SLC34A3: variants seen among roughly 807,000 people sequenced by gnomAD.
The protein encoded by SLC34A3 is sodium-dependent phosphate transport protein 2C.
Under a neutral mutation model 43.9 loss-of-function variants are expected in SLC34A3, and 60 were observed. The ratio of observed to expected loss-of-function variants is 1.37; its 90% CI spans 1.11 to 1.70. SLC34A3 has a LOEUF of 1.70. Among genes scored for constraint, SLC34A3 ranks in the 40% most tolerant of loss-of-function variants. The pLI, the probability that SLC34A3 is intolerant of heterozygous loss-of-function variation, is 0.00. For synonymous variants in SLC34A3, 451 were observed against 386.2 expected (o/e 1.17, Z -1.97); for missense variants, 969 against 823.8 (o/e 1.18, Z -2.16).
In SLC34A3 at chr9:137,233,053, C is replaced by G; in HGVS notation, c.498C>G (p.Gly166=). 6.2e-7 allele frequency: 1 copy of G among 1,611,876 alleles called. No individual in the cohort carries two copies. The highest frequency in any genetic ancestry group is 8.5e-7 in the Non-Finnish European group (1 of 1,179,876). The change falls in exon 6 of 13, where the codon GGC becomes GGG. Residue 166 remains glycine, a synonymous_variant. Transcript: ENST00000673835. ...CCATCATCATGGGTGTCAACGTAGGCACATCCATCACCAGCACCCTGGTCT... is the reference window on the plus strand; with the variant it reads ...CCATCATCATGGGTGTCAACGTAGGGACATCCATCACCAGCACCCTGGTCT... ...SVPIIMGVNV[G]TSITSTLVSM...
chr9:137,234,035 G>T lies in SLC34A3; in HGVS notation c.926-74G>T. Reference sequence around the variant, plus strand: ...GGAACAGCACAGCCCCGGCGGACAGGCTGCCCTGTGAGGCCCGGCCCACCC... The same window carrying T: ...GGAACAGCACAGCCCCGGCGGACAGTCTGCCCTGTGAGGCCCGGCCCACCC... On this transcript the variant is annotated intron_variant, in intron 9 of 12. Transcript: ENST00000673835. This position sits in a 1 kb window ranked among gnomAD's most constrained non-coding sequence, Gnocchi z 6.9. 2 of 1,509,902 alleles carry T rather than the reference G, an allele frequency of 1.3e-6. No individual in the cohort carries two copies. The highest frequency in any genetic ancestry group is 1.8e-6 in the Non-Finnish European group (2 of 1,126,030). 93.5% of individuals were successfully genotyped at this position (1,509,902 alleles called of 1,614,324 possible). A position where few individuals can be genotyped will look rare whatever the true frequency, so the allele number is the denominator to read the frequency against.
In SLC34A3 at chr9:137,234,906, T is replaced by C. The variant is rs573239563; in HGVS notation, c.1335+175T>C. On this transcript the variant is annotated intron_variant, in intron 12 of 12. Transcript: ENST00000673835. The surrounding 1 kb of genome is among the most constrained non-coding windows in gnomAD (Gnocchi z 6.9). ...CTGCCTCCTTGGACCCCACAGGTCC[T>C]GCACACATTTCACACCCTCCCTGCG... is the stretch of plus-strand genomic sequence containing the variant. 6.6e-6 allele frequency among the ~76,000 whole-genome samples: 1 copy of C among 152,236 alleles called. No individual in the cohort carries two copies. Among genetic ancestry groups the C allele is most frequent in the East Asian group, 1.9e-4 (1 of 5,160 alleles).
chr9:137,233,779 T>TTTGGGGC, intron 8 of SLC34A3, 57 bp downstream of exon 8: 5 of 1,445,800 alleles, frequency 3.5e-6, no homozygotes, highest in Non-Finnish European at 4.8e-6. Flanking sequence ...TGCTGAGTCA[T>TTTGGGGC]CCCGCCCCAC....
chr9:137,234,668 C>T lies in SLC34A3; in HGVS notation c.1272C>T (p.Thr424=). 6.2e-7 allele frequency: 1 copy of T among 1,612,394 alleles called. No homozygotes were observed. The highest frequency in any genetic ancestry group is 8.5e-7 in the Non-Finnish European group (1 of 1,179,872). Reference sequence around the variant, plus strand: ...TCTTACTGGGCTCCAACATCGGCACCACTACCACAGCCCTGCTGGCTGCCC... The same window carrying T: ...TCTTACTGGGCTCCAACATCGGCACTACTACCACAGCCCTGCTGGCTGCCC... ...YPLLLGSNIG[T]TTTALLAALA... is the part of the protein sequence containing the mutation. Residue 424 remains threonine, a synonymous_variant, in exon 12 of 13, where the codon ACC becomes ACT. Transcript: ENST00000673835. The surrounding 1 kb of genome is among the most constrained non-coding windows in gnomAD (Gnocchi z 6.9).
intron 8 of SLC34A3, 57 bp downstream of exon 8, chr9:137,233,779 T>TCACC: frequency 8.3e-6 from 12 of 1,445,794 alleles, no homozygotes; most frequent in South Asian, 5.8e-5. Context: ...TGCTGAGTCA[T>TCACC]CCCGCCCCAC....
At chr9:137,231,913 C>T (rs890298215) in intron 2 of SLC34A3, 126 bp downstream of exon 2, 2 of 1,129,756 alleles carry the variant, frequency 1.8e-6, no homozygotes, top group South Asian at 1.2e-5. Context: ...GACGCCTCCA[C>T]TCAGGTCCAG....
intron 1 of SLC34A3, 108 bp from the exon 2 acceptor site, chr9:137,231,556 G>A (rs1480637840): frequency 2.7e-6 from 2 of 737,860 alleles, no homozygotes; most frequent in Non-Finnish European, 4.9e-6. Flanking sequence ...GAGAGGGAGG[G>A]TGGCGGCCAA....
At position 137,233,045 on chromosome 9, in the gene SLC34A3, A is replaced by C; in HGVS notation, c.490A>C (p.Asn164His). The C allele has an allele frequency of 2.5e-6, 4 of 1,611,992 alleles. No individual in the cohort carries two copies. Among genetic ancestry groups the C allele is most frequent in the Non-Finnish European group, 3.4e-6 (4 of 1,179,906 alleles). Residue 164 changes from asparagine to histidine, a missense_variant, in exon 6 of 13, where the codon AAC becomes CAC. Coordinates refer to ENST00000673835, the MANE Select transcript of SLC34A3 (RefSeq NM_001177316.2). ...RVSVPIIMGV[N>H]VGTSITSTLV... ...GTCTGTGCCCATCATCATGGGTGTC[A>C]ACGTAGGCACATCCATCACCAGCAC... is the stretch of plus-strand genomic sequence containing the variant.
At position 137,236,325 on chromosome 9, in the gene SLC34A3, G is replaced by T. The variant is rs956642001; in HGVS notation, c.1709G>T (p.Cys570Phe). The T allele has an allele frequency of 3.2e-6, 5 of 1,542,532 alleles. No individual in the cohort carries two copies. The highest frequency in any genetic ancestry group is 1.4e-5 in the African/African-American group (1 of 73,138). ...TGGGACCGCCTGGTGACCCGCTGCTGCCCCTGCAACGTCTGCAGCCCCCCG... is the reference window on the plus strand; with the variant it reads ...TGGGACCGCCTGGTGACCCGCTGCTTCCCCTGCAACGTCTGCAGCCCCCCG... Reference protein sequence around the residue: ...EPWDRLVTRCCPCNVCSPPKA... With the variant: ...EPWDRLVTRCFPCNVCSPPKA... Residue 570 changes from cysteine to phenylalanine, a missense_variant, in exon 13 of 13, where the codon TGC becomes TTC. By Grantham distance (205) the Cys-to-Phe change is radical. Coordinates refer to ENST00000673835, the MANE Select transcript of SLC34A3 (RefSeq NM_001177316.2).
Position 137,234,091 on chromosome 9 carries a change from C to A in SLC34A3, c.926-18C>A. On this transcript the variant is annotated intron_variant, in intron 9 of 12. Coordinates refer to ENST00000673835, the MANE Select transcript of SLC34A3 (RefSeq NM_001177316.2). This position sits in a 1 kb window ranked among gnomAD's most constrained non-coding sequence, Gnocchi z 6.9. ...CACCCCCCAGGCTCCCCCTCACCTG[C>A]CCCTGCCCTGCCCCCAGGCCGCCAC... The A allele has an allele frequency of 6.5e-7, 1 of 1,540,730 alleles. No individual in the cohort carries two copies. Among genetic ancestry groups the A allele is most frequent in the Non-Finnish European group, 8.7e-7 (1 of 1,148,304 alleles).
chr9:137,234,530 T>A lies in SLC34A3; in HGVS notation c.1208T>A (p.Met403Lys). 2 of 1,607,714 alleles carry A rather than the reference T, an allele frequency of 1.2e-6. No homozygotes were observed. ...SVFTAAVVPL[M>K]GVGVISLDRA... The stretch of plus-strand genomic sequence containing the variant: ...TTCACGGCGGCCGTCGTGCCCCTCA[T>A]GGGTGAGCAGGCAGGACAGAGGCCT... The change falls in exon 11 of 13, where the codon ATG (methionine) becomes AAG (lysine). Residue 403 changes from methionine to lysine, a missense_variant and splice_region_variant. Met to Lys is a moderately conservative substitution (Grantham distance 95). Transcript: ENST00000673835. The surrounding 1 kb of genome is among the most constrained non-coding windows in gnomAD (Gnocchi z 6.9).
Position 137,232,567 on chromosome 9 carries a change from G to A in SLC34A3, c.176-8G>A. ...GCCAGCCAGGGACAGCCTGCCCTGTGTCCTCAGAGCTCCGCGTGGCCGGCA... is the reference window on the plus strand; with the variant it reads ...GCCAGCCAGGGACAGCCTGCCCTGTATCCTCAGAGCTCCGCGTGGCCGGCA... On this transcript the variant is annotated splice_polypyrimidine_tract_variant and splice_region_variant and intron_variant, in intron 3 of 12. Transcript: ENST00000673835. 6.2e-7 allele frequency: 1 copy of A among 1,611,680 alleles called. No individual in the cohort carries two copies. Among genetic ancestry groups the A allele is most frequent in the Non-Finnish European group, 8.5e-7 (1 of 1,179,482 alleles).
intron 4 of SLC34A3, 36 bp downstream of exon 4, chr9:137,232,739 C>A (rs760842230): frequency 1.2e-6 from 2 of 1,612,806 alleles, no homozygotes; most frequent in African/African-American, 2.7e-5. Context: ...GCGGGGCGGG[C>A]AACCAGCCCT....
intron 2 of SLC34A3, 103 bp from the exon 3 acceptor site, chr9:137,231,969 C>T: frequency 8.1e-7 from 1 of 1,240,242 alleles, no homozygotes; most frequent in Non-Finnish European, 1.2e-6. Context: ...GTCCCTCACT[C>T]CAGGCCTCTT....
Position 137,234,190 on chromosome 9 carries a change from G to A in SLC34A3, c.1007G>A (p.Cys336Tyr). 1.2e-6 allele frequency: 2 copies of A among 1,605,876 alleles called. No homozygotes were observed. Among genetic ancestry groups the A allele is most frequent in the Non-Finnish European group, 1.7e-6 (2 of 1,178,102 alleles). The change falls in exon 10 of 13, where the codon TGC (cysteine) becomes TAC (tyrosine). Residue 336 changes from cysteine to tyrosine, a missense_variant. Cys to Tyr is a radical substitution (Grantham distance 194). Transcript: ENST00000673835. The surrounding 1 kb of genome is among the most constrained non-coding windows in gnomAD (Gnocchi z 6.9). ...ILLAGSLLVL[C>Y]GCLVLIVKLL... ...CTGGCCGGCTCCCTGCTGGTGCTCT[G>A]CGGCTGCCTGGTCCTCATAGTCAAG...
In SLC34A3 at chr9:137,233,100, G is replaced by C. The variant is rs759525091; in HGVS notation, c.545G>C (p.Arg182Pro). The C allele has an allele frequency of 1.2e-6, 2 of 1,604,208 alleles. No homozygotes were observed. The change falls in exon 6 of 13, where the codon CGG becomes CCG. Residue 182 changes from arginine to proline, a missense_variant. Arg to Pro is a moderately radical substitution (Grantham distance 103). Transcript: ENST00000673835. ...TLVSMAQSGD[R>P]DEFQRAFSGS... ...GTCTCAATGGCGCAGTCAGGGGACC[G>C]GGATGAATTTCAGAGGTGAGTTGTG...
intron 1 of SLC34A3, 165 bp downstream of exon 1, chr9:137,231,103 T>C: frequency 6.4e-6 from 1 of 156,324 alleles, no homozygotes; most frequent in South Asian, 1.9e-4. Context: ...CGCCTGGACC[T>C]GAGCCCAGGG....
Position 137,232,610 on chromosome 9 carries a change from G to T in SLC34A3, c.211G>T (p.Gly71Cys), listed in dbSNP as rs570528948. 1.2e-6 allele frequency: 2 copies of T among 1,612,248 alleles called. No individual in the cohort carries two copies. The highest frequency in any genetic ancestry group is 2.2e-5 in the South Asian group (2 of 91,058). ...RVAGRLRRVA[G>C]SVLKACGLLG... ...GGCCGGCAGGCTGCGCCGCGTGGCC[G>T]GCAGCGTCCTCAAGGCCTGCGGGCT... Residue 71 changes from glycine to cysteine, a missense_variant, in exon 4 of 13, where the codon GGC becomes TGC. Coordinates refer to ENST00000673835, the MANE Select transcript of SLC34A3 (RefSeq NM_001177316.2).
At position 137,235,985 on chromosome 9, in the gene SLC34A3, G is replaced by T; in HGVS notation, c.1369G>T (p.Gly457Cys). ...CATCCACTTCTTCTTCAACCTGGCCGGCATCCTGCTGTGGTACCTGGTGCC... is the reference window on the plus strand; with the variant it reads ...CATCCACTTCTTCTTCAACCTGGCCTGCATCCTGCTGTGGTACCTGGTGCC... ...ALIHFFFNLAGILLWYLVPAL... is the reference protein window; with the variant it reads ...ALIHFFFNLACILLWYLVPAL... The change falls in exon 13 of 13, where the codon GGC (glycine) becomes TGC (cysteine). Residue 457 changes from glycine to cysteine, a missense_variant. By Grantham distance (159) the Gly-to-Cys change is radical. Coordinates refer to ENST00000673835, the MANE Select transcript of SLC34A3 (RefSeq NM_001177316.2). 2.5e-6 allele frequency: 4 copies of T among 1,612,488 alleles called. No individual in the cohort carries two copies. The highest frequency in any genetic ancestry group is 3.4e-6 in the Non-Finnish European group (4 of 1,179,862).
Sources: allele counts gnomAD v4.1 joint callset (sites outside exome capture counted in the v4.1 genomes callset), GRCh38; gene constraint gnomAD v4.1.1; non-coding constraint Gnocchi (gnomAD v3.1); transcripts MANE v1.5; gene names NCBI Gene and HGNC (gene_info 2026-07-23, HGNC 2026-07-21).